PTPRD: variants seen among roughly 807,000 people sequenced by gnomAD.
PTPRD encodes the protein protein tyrosine phosphatase receptor type D, also known as receptor-type tyrosine-protein phosphatase delta.
A neutral mutation model predicts 214.5 loss-of-function variants in PTPRD; 34 were observed. The observed-to-expected ratio is 0.16, with a 90% confidence interval of 0.12 to 0.21. The LOEUF (loss-of-function observed/expected upper bound fraction) is 0.21. PTPRD is among the 10% of genes least tolerant of loss of function. PTPRD has a pLI of 1.00. For synonymous variants in PTPRD, 1,128 were observed against 845.7 expected, an observed-to-expected ratio of 1.33 and a Z score of -5.79; for missense variants, 2,545 against 2,398.7, an observed-to-expected ratio of 1.06 and a Z score of -1.27.
intron 5 of PTPRD, among the ~76,000 whole-genome samples, chr9:9,844,136 G>A (rs146698456): frequency 4.0e-5 from 6 of 151,652 alleles, no homozygotes; most frequent in Non-Finnish European, 8.9e-5. Context: ...TTTTTTCATT[G>A]TTTACTGCCT....
At chr9:9,923,185 A>G (rs2083142835) in intron 5 of PTPRD, among the ~76,000 whole-genome samples, 1 of 150,904 alleles carries the variant, frequency 6.6e-6, no homozygotes. Context: ...GACAAATGTT[A>G]ACTCTACAGA....
chr9:8,337,703 T>C (rs138405240), intron 43 of PTPRD, among the ~76,000 whole-genome samples: 277 of 152,140 alleles, frequency 1.8e-3, no homozygotes, highest in African/African-American at 6.1e-3. Flanking sequence ...AATCTTCTTT[T>C]GTTTATTGTG....
At chr9:9,943,465 C>T (rs534859111) in intron 4 of PTPRD, among the ~76,000 whole-genome samples, 1 of 152,068 alleles carries the variant, frequency 6.6e-6, no homozygotes, top group Non-Finnish European at 1.5e-5. Context: ...GTGTAGTGTT[C>T]TAAGTATTTG....
At chr9:9,033,238 G>A (rs2099611260) in intron 10 of PTPRD, among the ~76,000 whole-genome samples, 1 of 152,194 alleles carries the variant, frequency 6.6e-6, no homozygotes, top group Non-Finnish European at 1.5e-5. Flanking sequence ...AAGAATGTGT[G>A]ACAGAGTTAG....
intron 6 of PTPRD, among the ~76,000 whole-genome samples, chr9:9,738,184 G>A (rs373081535): frequency 1.8e-4 from 27 of 152,030 alleles, no homozygotes; most frequent in African/African-American, 5.3e-4. Flanking sequence ...GCACACCAAC[G>A]TGGCACATGT....
At chr9:10,557,804 G>T (rs939984717) in intron 2 of PTPRD, among the ~76,000 whole-genome samples, 1 of 152,180 alleles carries the variant, frequency 6.6e-6, no homozygotes, top group African/African-American at 2.4e-5. Context: ...ACAGTTTGCA[G>T]AAGAAGTGTT....
At chr9:9,516,936 C>G (rs1287878817) in intron 8 of PTPRD, among the ~76,000 whole-genome samples, 1 of 151,966 alleles carries the variant, frequency 6.6e-6, no homozygotes, top group Non-Finnish European at 1.5e-5. Flanking sequence ...CAACAAGCTA[C>G]CCAATCACTA....
intron 14 of PTPRD, among the ~76,000 whole-genome samples, chr9:8,619,352 C>T (rs1376499402): frequency 1.3e-5 from 2 of 151,790 alleles, no homozygotes; most frequent in African/African-American, 4.8e-5. Context: ...CAACCCCCAC[C>T]CCTCAACCTG....
At chr9:10,467,656 CA>C (rs148171119) in intron 2 of PTPRD, among the ~76,000 whole-genome samples, 7,299 of 151,332 alleles carry the variant, frequency 0.048, 529 homozygotes, top group African/African-American at 0.16. Flanking sequence ...ATATACATTC[CA>C]AAAAAATGGA....
intron 14 of PTPRD, among the ~76,000 whole-genome samples, chr9:8,577,441 G>A (rs1389439426): frequency 6.6e-6 from 1 of 152,028 alleles, no homozygotes. Context: ...TTTTAGTACA[G>A]ACAGGGTTTC....
intron 9 of PTPRD, among the ~76,000 whole-genome samples, chr9:9,335,971 C>T (rs1250615854): frequency 6.6e-6 from 1 of 151,144 alleles, no homozygotes; most frequent in African/African-American, 2.4e-5. Context: ...AAATAACTTT[C>T]AAAAAAGAAA....
intron 2 of PTPRD, among the ~76,000 whole-genome samples, chr9:10,551,212 A>G (rs191905723): frequency 2.0e-5 from 3 of 152,170 alleles, no homozygotes; most frequent in African/African-American, 7.2e-5. Flanking sequence ...CATGTCACAC[A>G]CTTGTAGTCC....
At chr9:9,238,525 AT>A (rs1254871408) in intron 9 of PTPRD, among the ~76,000 whole-genome samples, 1 of 152,196 alleles carries the variant, frequency 6.6e-6, no homozygotes, top group East Asian at 2.0e-4. Flanking sequence ...CTGGAAAATC[AT>A]TGGTTAAGTT....
intron 3 of PTPRD, among the ~76,000 whole-genome samples, chr9:10,111,733 A>G (rs1214625160): frequency 6.6e-6 from 1 of 152,164 alleles, no homozygotes; most frequent in Non-Finnish European, 1.5e-5. Flanking sequence ...TGGATTTTAT[A>G]ATCAGACAGG....
At chr9:9,800,951 A>C (rs1320252293) in intron 5 of PTPRD, among the ~76,000 whole-genome samples, 4 of 152,168 alleles carry the variant, frequency 2.6e-5, no homozygotes, top group Admixed American at 2.6e-4. Flanking sequence ...CTTTTTGACA[A>C]CTGTCCAAGC....
At chr9:8,512,853 C>T (rs2097709013) in intron 21 of PTPRD, among the ~76,000 whole-genome samples, 1 of 151,940 alleles carries the variant, frequency 6.6e-6, no homozygotes, top group Non-Finnish European at 1.5e-5. Context: ...GAACATCAAG[C>T]AACATTTAAT....
intron 3 of PTPRD, among the ~76,000 whole-genome samples, chr9:10,053,938 T>A (rs1394841108): frequency 2.0e-5 from 3 of 152,072 alleles, no homozygotes; most frequent in Admixed American, 1.3e-4. Flanking sequence ...TTTGTGTTTT[T>A]AGTAAAGACG....
intron 4 of PTPRD, among the ~76,000 whole-genome samples, chr9:9,955,328 G>C (rs968169879): frequency 6.6e-6 from 1 of 152,004 alleles, no homozygotes; most frequent in Admixed American, 6.6e-5. Flanking sequence ...AGCAGTAAAG[G>C]ATATGTACGT....
chr9:9,812,693 A>G (rs1273259711), intron 5 of PTPRD, among the ~76,000 whole-genome samples: 1 of 152,188 alleles, frequency 6.6e-6, no homozygotes, highest in Non-Finnish European at 1.5e-5. Context: ...CTGAAAGGAA[A>G]AATAGTAAGG....
Sources: gnomAD v4.1 joint callset for allele counts (sites outside exome capture counted in the v4.1 genomes callset) on GRCh38, gnomAD v4.1.1 for gene constraint, MANE v1.5 for transcripts, NCBI Gene and HGNC (gene_info 2026-07-23, HGNC 2026-07-21) for gene names.